The following CENPE variants were observed in gnomAD, a reference collection of about 807,000 sequenced individuals.
CENPE encodes centromere-associated protein E.
Under a neutral mutation model 336.1 loss-of-function variants are expected in CENPE, and 145 were observed. The observed-to-expected ratio is 0.43, with a 90% CI of 0.38 to 0.50. CENPE has a LOEUF of 0.50. CENPE is among the 20% of genes least tolerant of loss of function. The probability of loss-of-function intolerance (pLI) is 0.00; values close to 1 mark genes in which losing one functional copy is unlikely to be tolerated. For missense variants in CENPE, 2,719 were observed against 3,023.3 expected (o/e 0.90, Z 2.36); for synonymous variants, 1,013 against 984.8 (o/e 1.03, Z -0.54).
intron 46 of CENPE, among the ~76,000 whole-genome samples, chr4:103,113,320 A>G (rs1245398550): frequency 7.0e-6 from 1 of 143,246 alleles, no homozygotes; most frequent in Non-Finnish European, 1.5e-5. Context: ...ATTCTCCTGT[A>G]AAAAAGTATG....
intron 8 of CENPE, among the ~76,000 whole-genome samples, chr4:103,187,517 T>A (rs1008928504): frequency 6.6e-6 from 1 of 152,172 alleles, no homozygotes; most frequent in Admixed American, 6.5e-5. Flanking sequence ...GAAAAGAATA[T>A]TCAACCCAGA....
chr4:103,167,656 G>C (rs1182975715), intron 16 of CENPE, among the ~76,000 whole-genome samples: 1 of 152,180 alleles, frequency 6.6e-6, no homozygotes, highest in Non-Finnish European at 1.5e-5. Flanking sequence ...GATTCAGGTA[G>C]GAGGTTGTAA....
At chr4:103,183,513 G>GA (rs887212770) in intron 9 of CENPE, among the ~76,000 whole-genome samples, 2 of 151,332 alleles carry the variant, frequency 1.3e-5, no homozygotes, top group Non-Finnish European at 2.9e-5. Flanking sequence ...ATAGTAAAAA[G>GA]AAAAAAATGA....
At chr4:103,194,126 C>T in intron 8 of CENPE, 103 bp downstream of exon 8, 2 of 787,270 alleles carry the variant, frequency 2.5e-6, no homozygotes, top group Non-Finnish European at 2.1e-6. Flanking sequence ...TTTCCTCCCA[C>T]ATTTAGTTTA....
chr4:103,143,253 C>G lies in CENPE; in HGVS notation c.5299G>C (p.Ala1767Pro), dbSNP rs773390883. ...ATAACTTAAAAATAAAATACCTGTG[C>G]TTTTAAGGCATCATTTGAGTGTTCT... is the stretch of plus-strand genomic sequence containing the variant. Reference protein sequence around the residue: ...DLEHSNDALKAQDLKIQEELR... With the variant: ...DLEHSNDALKPQDLKIQEELR... The change falls in exon 34 of 49, where the codon GCA becomes CCA. Residue 1767 changes from alanine to proline, a missense_variant. Ala to Pro is a conservative substitution (Grantham distance 27). Around this residue, in one of 5 missense-constraint regions of CENPE, gnomAD observed 2,437 missense variants for 2,513.3 expected, o/e 0.97. Transcript: ENST00000265148. The G allele has an allele frequency of 1.3e-6, 2 of 1,583,508 alleles. No homozygotes were observed. Among genetic ancestry groups the G allele is most frequent in the Middle Eastern group, 1.7e-4 (1 of 5,862 alleles).
chr4:103,120,101 T>TAAAC lies in CENPE; in HGVS notation c.7329+43_7329+46dup, dbSNP rs550484015. 49 of 1,388,918 alleles carry TAAAC rather than the reference T, an allele frequency of 3.5e-5. 1 individual carries two copies. The highest frequency in any genetic ancestry group is 3.0e-4 in the East Asian group (13 of 42,712). The allele number at this position is 1,388,918 out of a possible 1,614,324, so 86.0% of individuals were successfully genotyped here. On this transcript the variant is annotated intron_variant, in intron 44 of 48. Transcript: ENST00000265148. ...AGGAGATTTGCTGAATTCAATAGGT[T>TAAAC]AAACAAACAAACAAACAAACAACTT...
chr4:103,160,344 T>A (rs1482374926), intron 21 of CENPE, among the ~76,000 whole-genome samples: 1 of 151,916 alleles, frequency 6.6e-6, no homozygotes. Flanking sequence ...CGTAATACTG[T>A]ATAAATGCAA....
chr4:103,194,691 C>A lies in CENPE; in HGVS notation c.478-7G>T. 6.3e-7 allele frequency: 1 copy of A among 1,588,682 alleles called. No individual in the cohort carries two copies. The highest frequency in any genetic ancestry group is 8.6e-7 in the Non-Finnish European group (1 of 1,168,702). On this transcript the variant is annotated splice_polypyrimidine_tract_variant and splice_region_variant and intron_variant, in intron 5 of 48. Transcript: ENST00000265148. Reference sequence around the variant, plus strand: ...CAGCAACATACACATTCCTCTGAAACAAGTTTAATTATGGAAAGATTAGAG... The same window carrying A: ...CAGCAACATACACATTCCTCTGAAAAAAGTTTAATTATGGAAAGATTAGAG...
chr4:103,168,635 C>T (rs901082604), intron 16 of CENPE, among the ~76,000 whole-genome samples: 3 of 152,140 alleles, frequency 2.0e-5, no homozygotes, highest in African/African-American at 7.2e-5. Flanking sequence ...GGGGTCCTAC[C>T]GGGAGACAGG....
At chr4:103,173,115 C>T (rs1755550074) in intron 16 of CENPE, among the ~76,000 whole-genome samples, 1 of 151,986 alleles carries the variant, frequency 6.6e-6, no homozygotes, top group South Asian at 2.1e-4. Flanking sequence ...AAATATATTA[C>T]AAAACTATAG....
chr4:103,181,909 CTT>C (rs1298358305), intron 11 of CENPE: 1 of 154,540 alleles, frequency 6.5e-6, no homozygotes, highest in Non-Finnish European at 1.4e-5. Context: ...TCTAGTTTCT[CTT>C]TGCACCTCTG....
chr4:103,145,863 T>C lies in CENPE; in HGVS notation c.4379A>G (p.Gln1460Arg), dbSNP rs1560626686. ...LQEVLQSESD[Q>R]LKENIKEIVA... ...AATTTCTTTTATGTTTTCTTTGAGC[T>C]GGTCACTTTCAGATTGAAGAACTTC... Residue 1460 changes from glutamine (Q) to arginine (R), a missense_variant, in exon 30 of 49, where the codon CAG (glutamine) becomes CGG (arginine). Physicochemically the swap from Gln to Arg is conservative, Grantham distance 43. This residue lies in a region of CENPE where 2,437 missense variants were observed against 2,513.3 expected (regional missense o/e 0.97). Transcript: ENST00000265148. 1.2e-6 allele frequency: 2 copies of C among 1,609,422 alleles called. No individual in the cohort carries two copies. Among genetic ancestry groups the C allele is most frequent in the Non-Finnish European group, 1.7e-6 (2 of 1,178,796 alleles).
chr4:103,139,322 T>C (rs547365748), intron 38 of CENPE, among the ~76,000 whole-genome samples: 3 of 152,278 alleles, frequency 2.0e-5, no homozygotes, highest in Admixed American at 1.3e-4. Flanking sequence ...TTTTAAGATA[T>C]ATGATTCTGA....
chr4:103,191,651 G>GGT (rs1304119805), intron 8 of CENPE, among the ~76,000 whole-genome samples: 1 of 145,276 alleles, frequency 6.9e-6, no homozygotes, highest in Non-Finnish European at 1.5e-5. Context: ...CCTGTTGTGG[G>GGT]GTGGGGGGAG....
intron 26 of CENPE, among the ~76,000 whole-genome samples, 178 bp downstream of exon 26, chr4:103,151,041 C>T (rs556265565): frequency 7.9e-4 from 121 of 152,222 alleles, no homozygotes; most frequent in African/African-American, 2.7e-3. Flanking sequence ...ATATAATCCT[C>T]ATAAGGTATG....
Position 103,145,353 on chromosome 4 carries a change from A to C in CENPE, c.4573-19T>G. ...CTTGGATCTTAAACATAATTATAAA[A>C]TAAGTTAATAGTCATAAAAATATGT... On this transcript the variant is annotated intron_variant, in intron 31 of 48. Coordinates refer to ENST00000265148, the MANE Select transcript of CENPE (RefSeq NM_001813.3). The C allele has an allele frequency of 6.9e-7, 1 of 1,456,390 alleles. No homozygotes were observed. The highest frequency in any genetic ancestry group is 9.4e-7 in the Non-Finnish European group (1 of 1,058,490). The allele number at this position is 1,456,390 out of a possible 1,614,324, so 90.2% of individuals were successfully genotyped here.
At position 103,147,395 on chromosome 4, in the gene CENPE, A is replaced by G; in HGVS notation, c.4095T>C (p.His1365=). 6.2e-7 allele frequency: 1 copy of G among 1,611,008 alleles called. No homozygotes were observed. The highest frequency in any genetic ancestry group is 8.5e-7 in the Non-Finnish European group (1 of 1,179,490). Reference sequence around the variant, plus strand: ...CTCTAATATGTTCTTTCAGCTGGTCATGTTTAACTTCAAGGGCTTCTTTTA... The same window carrying G: ...CTCTAATATGTTCTTTCAGCTGGTCGTGTTTAACTTCAAGGGCTTCTTTTA... The part of the protein sequence containing the change: ...KTIKEALEVK[H]DQLKEHIRET... Residue 1365 remains histidine (H), a synonymous_variant, in exon 29 of 49, where the codon CAT becomes CAC. Coordinates refer to ENST00000265148, the MANE Select transcript of CENPE (RefSeq NM_001813.3).
At chr4:103,141,934 A>C in intron 34 of CENPE, 26 bp from the exon 35 acceptor site, 1 of 1,388,576 alleles carries the variant, frequency 7.2e-7, no homozygotes, top group Non-Finnish European at 1.0e-6. Flanking sequence ...AATTTTAAAA[A>C]CAGTGACATA....
intron 24 of CENPE, among the ~76,000 whole-genome samples, chr4:103,156,640 T>C (rs1036712336): frequency 6.6e-6 from 1 of 151,900 alleles, no homozygotes; most frequent in Non-Finnish European, 1.5e-5. Context: ...GAAGAAAACA[T>C]AGGGGAACAG....
Sources: gnomAD v4.1 joint callset for allele counts (sites outside exome capture counted in the v4.1 genomes callset) on GRCh38, gnomAD v4.1.1 for gene constraint, gnomAD v4.1.1 regional missense constraint, MANE v1.5 for transcripts, NCBI Gene and HGNC (gene_info 2026-07-23, HGNC 2026-07-21) for gene names.